Variants in IL1RAP observed in about 807,000 individuals in gnomAD.
The protein encoded by IL1RAP is interleukin 1 receptor accessory protein.
Under a neutral mutation model 60.7 loss-of-function variants are expected in IL1RAP, and 35 were observed. The observed-to-expected ratio is 0.58, with a 90% CI of 0.44 to 0.76. The LOEUF is 0.76. Among genes scored for constraint, IL1RAP ranks in the 30% least tolerant of loss-of-function variants. IL1RAP has a pLI of 0.00. For synonymous variants in IL1RAP, 268 were observed against 250.9 expected (o/e 1.07, Z -0.64); for missense variants, 572 against 693.9 (o/e 0.82, Z 1.97).
intron 2 of IL1RAP, among the ~76,000 whole-genome samples, chr3:190,561,588 G>C (rs1725893721): frequency 6.6e-6 from 1 of 152,144 alleles, no homozygotes; most frequent in African/African-American, 2.4e-5. Flanking sequence ...TTATAAACAG[G>C]CAAACTGGGA....
rs147563764 is a variant in IL1RAP, at chr3:190,644,312, G to T, written c.1116G>T (p.Val372=). 1.2e-6 allele frequency: 2 copies of T among 1,613,986 alleles called. No individual in the cohort carries two copies. Among genetic ancestry groups the T allele is most frequent in the African/African-American group, 2.7e-5 (2 of 75,054 alleles). ...CGFGATVLLV[V]ILIVVYHVYW... ...TTGGAGCCACAGTCCTGCTAGTGGT[G>T]ATTCTCATTGTTGTTTACCATGTTT... Residue 372 remains valine (V), a synonymous_variant, in exon 10 of 12, where the codon GTG becomes GTT. Transcript: ENST00000447382.
intron 3 of IL1RAP, among the ~76,000 whole-genome samples, chr3:190,572,325 T>C (rs1164785513): frequency 2.0e-5 from 3 of 152,226 alleles, no homozygotes; most frequent in African/African-American, 7.2e-5. Context: ...GACAGATATT[T>C]TGACATTCAC....
chr3:190,589,983 T>C (rs923058226), intron 3 of IL1RAP, among the ~76,000 whole-genome samples: 2 of 152,208 alleles, frequency 1.3e-5, no homozygotes, highest in Admixed American at 1.3e-4. Context: ...CAATAAAAAC[T>C]CAAAATCAAA....
chr3:190,610,344 TAAG>T (rs972424155), intron 5 of IL1RAP, among the ~76,000 whole-genome samples: 4 of 151,918 alleles, frequency 2.6e-5, no homozygotes, highest in Non-Finnish European at 4.4e-5. Flanking sequence ...GAAAGAATAA[TAAG>T]AATTAGAAAT....
intron 11 of IL1RAP, 33 bp from the exon 12 acceptor site, chr3:190,648,305 A>C (rs759541139): frequency 2.1e-5 from 32 of 1,534,822 alleles, no homozygotes; most frequent in Non-Finnish European, 3.5e-6. Context: ...GTTTTTGGCC[A>C]ACACTAATCC....
intron 1 of IL1RAP, among the ~76,000 whole-genome samples, chr3:190,536,299 T>A (rs959773084): frequency 1.3e-5 from 2 of 152,180 alleles, no homozygotes; most frequent in Admixed American, 1.3e-4. Context: ...AATTTTTTTT[T>A]AAGTTGATGC....
chr3:190,583,555 C>T (rs1469055982), intron 3 of IL1RAP, among the ~76,000 whole-genome samples: 2 of 152,218 alleles, frequency 1.3e-5, no homozygotes, highest in African/African-American at 4.8e-5. Context: ...AAAGCTCTCT[C>T]TTTGAGCTCA....
chr3:190,655,606 T>TGTGTGTGTGTGTG (rs1560251150), downstream of IL1RAP, among the ~76,000 whole-genome samples: 4 of 148,044 alleles, frequency 2.7e-5, no homozygotes, highest in East Asian at 2.0e-4. Flanking sequence ...TGTGTGTGTG[T>TGTGTGTGTGTGTG]TTTAAGAAAG....
intron 9 of IL1RAP, among the ~76,000 whole-genome samples, chr3:190,637,382 A>G (rs1328972878): frequency 6.6e-6 from 1 of 152,074 alleles, no homozygotes; most frequent in Non-Finnish European, 1.5e-5. Flanking sequence ...AAAGTTTTCA[A>G]ATATATGGAA....
At chr3:190,554,131 C>T (rs1725182336) in intron 1 of IL1RAP, among the ~76,000 whole-genome samples, 1 of 150,624 alleles carries the variant, frequency 6.6e-6, no homozygotes. Context: ...ATCTCACTCA[C>T]CCTTTCTCAA....
intron 3 of IL1RAP, among the ~76,000 whole-genome samples, chr3:190,567,100 A>G (rs1248786997): frequency 6.6e-6 from 1 of 152,208 alleles, no homozygotes; most frequent in African/African-American, 2.4e-5. Flanking sequence ...CCATAAAAGC[A>G]TAAGAACTTA....
intron 3 of IL1RAP, among the ~76,000 whole-genome samples, chr3:190,579,135 A>G (rs1271783511): frequency 2.6e-5 from 4 of 152,250 alleles, no homozygotes; most frequent in Non-Finnish European, 5.9e-5. Context: ...TTAAAAGCTC[A>G]GTACTACAGA....
chr3:190,617,293 T>C (rs1201484148), intron 5 of IL1RAP, among the ~76,000 whole-genome samples: 2 of 152,232 alleles, frequency 1.3e-5, no homozygotes, highest in African/African-American at 2.4e-5. Context: ...GTTGGTTTCT[T>C]GAATGGAAAC....
At chr3:190,573,065 G>T (rs1577628545) in intron 3 of IL1RAP, among the ~76,000 whole-genome samples, 1 of 60,364 alleles carries the variant, frequency 1.7e-5, no homozygotes. Flanking sequence ...GGGTTTCACC[G>T]TTTTAGCCGG....
rs141057941 is a variant in IL1RAP at position 190,542,045 on chromosome 3, G to A, written c.-88-14085G>A. ...GCAGTTCCCCAGAAATGTCTCATTC[G>A]TGCCACTTCATTACTTTCAAACTGA... is the stretch of plus-strand genomic sequence containing the variant. On this transcript the variant is annotated intron_variant, in intron 1 of 11. Transcript: ENST00000447382. 4.1e-3 allele frequency among the ~76,000 whole-genome samples: 617 copies of A among 152,150 alleles called. 2 individuals carry two copies. The highest frequency in any genetic ancestry group is 0.024 in the Middle Eastern group (7 of 294).
chr3:190,549,385 C>A (rs1384256542), intron 1 of IL1RAP, among the ~76,000 whole-genome samples: 1 of 152,076 alleles, frequency 6.6e-6, no homozygotes, highest in East Asian at 1.9e-4. Context: ...CCAATCTTAA[C>A]TGCTTCCTGC....
intron 1 of IL1RAP, among the ~76,000 whole-genome samples, chr3:190,530,742 A>C (rs1722914795): frequency 6.6e-6 from 1 of 152,238 alleles, no homozygotes; most frequent in African/African-American, 2.4e-5. Context: ...ACAAATACTT[A>C]TTACGTAGTA....
At chr3:190,567,930 C>A (rs1408196787) in intron 3 of IL1RAP, among the ~76,000 whole-genome samples, 1 of 152,148 alleles carries the variant, frequency 6.6e-6, no homozygotes, top group Non-Finnish European at 1.5e-5. Context: ...TTTTGCTGTG[C>A]CTCATTGGCA....
At chr3:190,617,821 G>C (rs1705519332) in intron 5 of IL1RAP, among the ~76,000 whole-genome samples, 2 of 152,240 alleles carry the variant, frequency 1.3e-5, no homozygotes, top group Middle Eastern at 3.4e-3. Flanking sequence ...ACACACAGCA[G>C]GTTAATGTTC....
Sources: gnomAD v4.1 joint callset for allele counts (sites outside exome capture counted in the v4.1 genomes callset) on GRCh38, gnomAD v4.1.1 for gene constraint, MANE v1.5 for transcripts, NCBI Gene and HGNC (gene_info 2026-07-23, HGNC 2026-07-21) for gene names.